ANO2: variants seen among roughly 807,000 people sequenced by gnomAD.
ANO2 encodes anoctamin-2.
A neutral mutation model predicts 124.2 loss-of-function variants in ANO2; 101 were observed. The observed-to-expected ratio is 0.81, with a 90% CI of 0.69 to 0.96. ANO2 has a LOEUF of 0.96. Among genes scored for constraint, ANO2 ranks in the 40% least tolerant of loss-of-function variants. ANO2 has a pLI of 0.00. For missense variants in ANO2, 1,293 were observed against 1,274.5 expected (o/e 1.01, Z -0.22); for synonymous variants, 486 against 482.5 (o/e 1.01, Z -0.09).
chr12:5,903,647 ATGTGTGTGTG>A lies in ANO2; in HGVS notation c.534+17383_534+17392del, dbSNP rs143239619. 4.0e-5 allele frequency among the ~76,000 whole-genome samples: 6 copies of A among 148,550 alleles called. No homozygotes were observed. The East Asian group carries it at 6.0e-4, about 15-fold the overall frequency. On this transcript the variant is annotated intron_variant, in intron 3 of 24. Transcript: ENST00000682330. Reference sequence around the variant, plus strand: ...AGTAAGACAGCTAGGATGTGCAAAGATGTGTGTGTGTGTGTGTGTGTGTGTGTGTGGGTGT... The same window carrying A: ...AGTAAGACAGCTAGGATGTGCAAAGATGTGTGTGTGTGTGTGTGTGGGTGT...
chr12:5,763,770 T>A (rs1016754791), intron 10 of ANO2, among the ~76,000 whole-genome samples: 1 of 152,034 alleles, frequency 6.6e-6, no homozygotes, highest in Non-Finnish European at 1.5e-5. Flanking sequence ...AAGTTTGTAC[T>A]TTAGGGAAGA....
At chr12:5,576,151 A>G (rs992179946) in intron 22 of ANO2, 136 bp from the exon 23 acceptor site, 14 of 866,394 alleles carry the variant, frequency 1.6e-5, no homozygotes, top group African/African-American at 1.0e-4. Flanking sequence ...CCCTGAGCTC[A>G]TGCAGCTGAG....
chr12:5,655,735 A>G (rs2136965270), intron 14 of ANO2, among the ~76,000 whole-genome samples: 1 of 152,330 alleles, frequency 6.6e-6, no homozygotes, highest in African/African-American at 2.4e-5. Flanking sequence ...AAGGTTCCAG[A>G]AGGTTATGGA....
At chr12:5,923,250 A>G (rs1311404535) in intron 1 of ANO2, among the ~76,000 whole-genome samples, 3 of 74,532 alleles carry the variant, frequency 4.0e-5, no homozygotes, top group African/African-American at 5.7e-5. Context: ...ACACGCATAC[A>G]CACACATACA....
intron 14 of ANO2, among the ~76,000 whole-genome samples, chr12:5,718,268 G>A (rs565548844): frequency 3.3e-4 from 51 of 152,364 alleles, no homozygotes; most frequent in African/African-American, 1.2e-3. Context: ...AACTGCCAAA[G>A]GGCATCTTTT....
At chr12:5,601,442 A>G (rs1591707416) in intron 19 of ANO2, among the ~76,000 whole-genome samples, 1 of 152,278 alleles carries the variant, frequency 6.6e-6, no homozygotes, top group East Asian at 1.9e-4. Context: ...ATAATAAAAA[A>G]TTGAAAAAAA....
chr12:5,694,104 T>C (rs979636027), intron 14 of ANO2, among the ~76,000 whole-genome samples: 3 of 152,068 alleles, frequency 2.0e-5, no homozygotes, highest in Admixed American at 6.5e-5. Context: ...TCCATCAACA[T>C]AGCAAAACTA....
intron 16 of ANO2, among the ~76,000 whole-genome samples, chr12:5,626,054 C>T (rs931290349): frequency 6.6e-6 from 1 of 152,150 alleles, no homozygotes; most frequent in Non-Finnish European, 1.5e-5. Flanking sequence ...CATTTGTTTC[C>T]ACTTCCTTAG....
intron 3 of ANO2, among the ~76,000 whole-genome samples, chr12:5,887,881 G>A (rs114573714): frequency 5.5e-4 from 83 of 151,086 alleles, no homozygotes; most frequent in African/African-American, 2.0e-3. Flanking sequence ...ATGAGAGAGA[G>A]AAGAAACCTT....
At position 5,574,918 on chromosome 12, in the gene ANO2, G is replaced by C. The variant is rs192480918; in HGVS notation, c.2621+916C>G. On this transcript the variant is annotated intron_variant, in intron 23 of 24. Transcript: ENST00000682330. Reference sequence around the variant, plus strand: ...CAAATTCAACAACCTTTTGGCTTATGCTGGTGTAGGAGTTTCTACATTTAC... The same window carrying C: ...CAAATTCAACAACCTTTTGGCTTATCCTGGTGTAGGAGTTTCTACATTTAC... Among the ~76,000 whole-genome samples, 443 of 152,196 alleles carry C rather than the reference G, an allele frequency of 2.9e-3. 2 individuals are homozygous for C. The highest frequency in any genetic ancestry group is 4.9e-3 in the Non-Finnish European group (332 of 68,010).
At chr12:5,774,141 C>A (rs1172255709) in intron 10 of ANO2, among the ~76,000 whole-genome samples, 1 of 152,104 alleles carries the variant, frequency 6.6e-6, no homozygotes. Flanking sequence ...AATAATAAAC[C>A]TTTTCCACCT....
At chr12:5,807,412 G>A (rs193075756) in intron 7 of ANO2, 44 bp from the exon 8 acceptor site, 55 of 1,515,892 alleles carry the variant, frequency 3.6e-5, no homozygotes, top group Middle Eastern at 3.4e-4. Flanking sequence ...TGGGGCAAGC[G>A]TTTCTCAACT....
intron 14 of ANO2, among the ~76,000 whole-genome samples, chr12:5,676,820 G>A (rs1181691569): frequency 6.6e-6 from 1 of 152,212 alleles, no homozygotes; most frequent in East Asian, 1.9e-4. Context: ...TTGGGAGGCC[G>A]AGCCAGGCAG....
At chr12:5,611,079 T>C (rs905528890) in intron 19 of ANO2, among the ~76,000 whole-genome samples, 1 of 149,426 alleles carries the variant, frequency 6.7e-6, no homozygotes, top group Non-Finnish European at 1.5e-5. Context: ...CAAGCAATTC[T>C]CCTGCCTCAG....
intron 20 of ANO2, among the ~76,000 whole-genome samples, chr12:5,580,310 G>A (rs2136846280): frequency 6.6e-6 from 1 of 152,198 alleles, no homozygotes; most frequent in East Asian, 1.9e-4. Context: ...TTAATAAATG[G>A]TATCTTTTAT....
intron 3 of ANO2, among the ~76,000 whole-genome samples, chr12:5,872,713 T>C (rs967568009): frequency 6.6e-6 from 1 of 152,004 alleles, no homozygotes; most frequent in Admixed American, 6.6e-5. Context: ...GTCTAGAAAA[T>C]CTTTCTAAAT....
intron 16 of ANO2, among the ~76,000 whole-genome samples, chr12:5,619,185 T>C (rs533217854): frequency 2.0e-5 from 3 of 152,326 alleles, no homozygotes; most frequent in African/African-American, 7.2e-5. Flanking sequence ...TAGGGGTCTC[T>C]GTATGGGGAC....
chr12:5,920,921 A>C, intron 3 of ANO2, 119 bp downstream of exon 3: 1 of 1,237,266 alleles, frequency 8.1e-7, no homozygotes, highest in Non-Finnish European at 1.1e-6. Flanking sequence ...CTCCAGCAGA[A>C]AAAAAAGTCC....
intron 1 of ANO2, among the ~76,000 whole-genome samples, chr12:5,924,461 G>A (rs1371743111): frequency 6.6e-6 from 1 of 152,200 alleles, no homozygotes; most frequent in Non-Finnish European, 1.5e-5. Flanking sequence ...AGGGTGGGTA[G>A]CTTCTGAAAG....
Sources: gnomAD v4.1 joint callset for allele counts (sites outside exome capture counted in the v4.1 genomes callset) on GRCh38, gnomAD v4.1.1 for gene constraint, MANE v1.5 for transcripts, NCBI Gene and HGNC (gene_info 2026-07-23, HGNC 2026-07-21) for gene names.